GABRG2: variants seen among roughly 807,000 people sequenced by gnomAD.
GABRG2 encodes the protein gamma-aminobutyric acid type A receptor subunit gamma2.
Under a neutral mutation model 56.4 loss-of-function variants are expected in GABRG2, and 16 were observed. The observed-to-expected ratio is 0.28, with a 90% CI of 0.19 to 0.43. The LOEUF is 0.43. Among genes scored for constraint, GABRG2 ranks in the 20% least tolerant of loss-of-function variants. GABRG2 has a pLI of 1.00. For synonymous variants in GABRG2, 208 were observed against 205.5 expected, an observed-to-expected ratio of 1.01 and a Z score of -0.10; for missense variants, 327 against 582.7, an observed-to-expected ratio of 0.56 and a Z score of 4.52.
At chr5:162,122,651 G>A (rs1763053180) in intron 6 of GABRG2, among the ~76,000 whole-genome samples, 1 of 151,394 alleles carries the variant, frequency 6.6e-6, no homozygotes, top group South Asian at 2.1e-4. Flanking sequence ...TTTAAAAAGA[G>A]AGAAAAGATG....
At chr5:162,069,717 C>T (rs925410437) in intron 1 of GABRG2, among the ~76,000 whole-genome samples, 2 of 151,958 alleles carry the variant, frequency 1.3e-5, no homozygotes, top group South Asian at 2.1e-4. Flanking sequence ...TATGAGAGGG[C>T]CTTTTACTGG....
intron 9 of GABRG2, 131 bp from the exon 10 acceptor site, chr5:162,152,962 C>A: frequency 1.9e-6 from 2 of 1,072,758 alleles, no homozygotes. Context: ...CATTGTAGAT[C>A]ATGATGTCAT....
At chr5:162,076,565 T>C (rs1459238158) in intron 1 of GABRG2, among the ~76,000 whole-genome samples, 1 of 152,158 alleles carries the variant, frequency 6.6e-6, no homozygotes, top group East Asian at 1.9e-4. Flanking sequence ...CAAGACTCCT[T>C]CCTGAAGATA....
intron 7 of GABRG2, among the ~76,000 whole-genome samples, chr5:162,148,453 A>C (rs1390715960): frequency 1.3e-5 from 2 of 152,194 alleles, no homozygotes; most frequent in Non-Finnish European, 1.5e-5. Flanking sequence ...AGAATCCATC[A>C]ATCAGAGCAT....
intron 7 of GABRG2, among the ~76,000 whole-genome samples, chr5:162,145,736 A>C (rs1764905716): frequency 6.6e-6 from 1 of 152,218 alleles, no homozygotes; most frequent in Non-Finnish European, 1.5e-5. Flanking sequence ...ATTTTAAAAA[A>C]ATTAACTCAT....
At chr5:162,076,657 C>A (rs544691387) in intron 1 of GABRG2, among the ~76,000 whole-genome samples, 1 of 152,218 alleles carries the variant, frequency 6.6e-6, no homozygotes, top group African/African-American at 2.4e-5. Flanking sequence ...CAAATTTATT[C>A]AACTCATTAT....
chr5:162,119,535 T>C (rs1171639419), intron 6 of GABRG2, among the ~76,000 whole-genome samples: 1 of 152,176 alleles, frequency 6.6e-6, no homozygotes, highest in African/African-American at 2.4e-5. Flanking sequence ...CTTGATTATT[T>C]ATTCTGGGCC....
chr5:162,087,659 G>A (rs368841447), intron 1 of GABRG2, among the ~76,000 whole-genome samples: 2 of 152,034 alleles, frequency 1.3e-5, no homozygotes, highest in Non-Finnish European at 2.9e-5. Context: ...TTTTGAATAC[G>A]TAGTTAAGGA....
At chr5:162,148,742 A>G (rs931506801) in intron 7 of GABRG2, among the ~76,000 whole-genome samples, 3 of 152,132 alleles carry the variant, frequency 2.0e-5, no homozygotes, top group Non-Finnish European at 2.9e-5. Context: ...CAACCCCTCA[A>G]AAAGGTCTTC....
At chr5:162,101,428 GTTACTGACTTCGATGA>G in intron 5 of GABRG2, 111 bp downstream of exon 5, 2 of 796,894 alleles carry the variant, frequency 2.5e-6, no homozygotes, top group Non-Finnish European at 2.2e-6. Flanking sequence ...ATTAAGTTAT[GTTACTGACTTCGATGA>G]TTTTGACCAT....
Position 162,103,956 on chromosome 5 carries a change from A to T in GABRG2, c.699A>T (p.Arg233Ser). ...KRSSVEVGDT[R>S]SWRLYQFSFV... ...GTTCTGTTGAAGTGGGCGACACAAGATCCTGGAGGCTTTATCAATTCTCAT... is the reference window on the plus strand; with the variant it reads ...GTTCTGTTGAAGTGGGCGACACAAGTTCCTGGAGGCTTTATCAATTCTCAT... Residue 233 changes from arginine (R) to serine (S), a missense_variant, in exon 6 of 10, where the codon AGA (arginine) becomes AGT (serine). Coordinates refer to ENST00000639213, the MANE Select transcript of GABRG2 (RefSeq NM_198904.4). The T allele has an allele frequency of 6.2e-7, 1 of 1,614,014 alleles. No individual in the cohort carries two copies. Among genetic ancestry groups the T allele is most frequent in the Non-Finnish European group, 8.5e-7 (1 of 1,179,950 alleles).
At chr5:162,100,334 T>A (rs1761321692) in intron 4 of GABRG2, 1 of 152,132 alleles carries the variant, frequency 6.6e-6, no homozygotes, top group South Asian at 2.1e-4. Flanking sequence ...AAAATAAATT[T>A]TCCTAAAATA....
intron 1 of GABRG2, among the ~76,000 whole-genome samples, chr5:162,078,389 ATATATATATTTTTTTT>A (rs1360240786): frequency 2.2e-4 from 7 of 31,148 alleles, no homozygotes; most frequent in East Asian, 1.7e-3. Flanking sequence ...ATATATATAT[ATATATATATTTTTTTT>A]TTTTTTTTTT....
chr5:162,080,432 G>A (rs1759557030), intron 1 of GABRG2, among the ~76,000 whole-genome samples: 1 of 152,130 alleles, frequency 6.6e-6, no homozygotes, highest in Admixed American at 6.5e-5. Flanking sequence ...CAGGTACAAG[G>A]ATCCCCAAAG....
chr5:162,109,388 TAATATATATATATATATA>T (rs1019992570), intron 6 of GABRG2, among the ~76,000 whole-genome samples: 1 of 39,168 alleles, frequency 2.6e-5, no homozygotes, highest in African/African-American at 8.8e-5. Context: ...ACTTAAAGTA[TAATATATATATATATATA>T]TATATATATA....
At chr5:162,105,123 A>G (rs1425328205) in intron 6 of GABRG2, among the ~76,000 whole-genome samples, 1 of 152,176 alleles carries the variant, frequency 6.6e-6, no homozygotes, top group Non-Finnish European at 1.5e-5. Flanking sequence ...TTCATAGGAA[A>G]TATTTTTTGC....
intron 1 of GABRG2, among the ~76,000 whole-genome samples, chr5:162,091,383 T>A (rs1760570894): frequency 6.6e-6 from 1 of 152,104 alleles, no homozygotes; most frequent in Non-Finnish European, 1.5e-5. Flanking sequence ...CAGTACTGCG[T>A]GTTAGGCACT....
intron 9 of GABRG2, 85 bp downstream of exon 9, chr5:162,151,838 A>G: frequency 8.3e-7 from 1 of 1,204,222 alleles, no homozygotes; most frequent in Non-Finnish European, 1.2e-6. Context: ...ATTTTGTTTT[A>G]TGAGTAGACA....
intron 1 of GABRG2, chr5:162,083,519 C>A: frequency 5.3e-6 from 1 of 187,370 alleles, no homozygotes. Context: ...TTTCTTCTTA[C>A]CCACATAAAT....
Sources: allele counts gnomAD v4.1 joint callset (sites outside exome capture counted in the v4.1 genomes callset), GRCh38; gene constraint gnomAD v4.1.1; transcripts MANE v1.5; gene names NCBI Gene and HGNC (gene_info 2026-07-23, HGNC 2026-07-21).